Variants in SGF29 observed in about 807,000 individuals in gnomAD.
The protein encoded by SGF29 is SAGA-associated factor 29.
A neutral mutation model predicts 38.1 loss-of-function variants in SGF29; 15 were observed. The observed-to-expected ratio is 0.39, with a 90% CI of 0.26 to 0.61. The LOEUF (loss-of-function observed/expected upper bound fraction) is 0.61. Among genes scored for constraint, SGF29 ranks in the 20% least tolerant of loss-of-function variants. The pLI is 0.49. For missense variants in SGF29, 184 were observed against 394.6 expected (o/e 0.47, Z 4.52); for synonymous variants, 151 against 160.8 (o/e 0.94, Z 0.46).
chr16:28,585,507 A>T (rs957340884), intron 3 of SGF29, 141 bp from the exon 4 acceptor site: 22 of 739,748 alleles, frequency 3.0e-5, no homozygotes, highest in Non-Finnish European at 4.5e-5. Flanking sequence ...CCGCCTCAGG[A>T]GCACTCCTGA....
Position 28,589,134 on chromosome 16 carries a change from A to G in SGF29, c.259A>G (p.Ile87Val), listed in dbSNP as rs2046972220. Residue 87 changes from isoleucine (I) to valine (V), a missense_variant, in exon 5 of 10, where the codon ATC becomes GTC. Physicochemically the swap from Ile to Val is conservative, Grantham distance 29. Transcript: ENST00000317058. ...LRKALDKIAE[I>V]KSLLEERRIA... is the part of the protein sequence containing the mutation. Reference sequence around the variant, plus strand: ...GAAAGCTCTGGACAAGATCGCGGAAATCAAGTCTCTGTTGGAAGAGAGGCG... The same window carrying G: ...GAAAGCTCTGGACAAGATCGCGGAAGTCAAGTCTCTGTTGGAAGAGAGGCG... 2 of 1,614,080 alleles carry G rather than the reference A, an allele frequency of 1.2e-6. No individual in the cohort carries two copies. The highest frequency in any genetic ancestry group is 1.7e-6 in the Non-Finnish European group (2 of 1,180,016).
chr16:28,569,575 C>CT (rs2151645911), intron 1 of SGF29, among the ~76,000 whole-genome samples: 1 of 152,242 alleles, frequency 6.6e-6, no homozygotes, highest in Admixed American at 6.5e-5. Flanking sequence ...TCACTTGAAC[C>CT]TGGGAGATTG....
chr16:28,558,701 A>G (rs140874691), intron 1 of SGF29, among the ~76,000 whole-genome samples: 147 of 152,358 alleles, frequency 9.6e-4, no homozygotes, highest in African/African-American at 3.4e-3. Context: ...TATCCATAGA[A>G]TGGAATGTTA....
rs548323815 is a variant in SGF29, at chr16:28,582,233, G to C, written c.75+1089G>C. ...ATGCCAGTCTGAAAGGTTACGTGCTGTGTATTCCAACTGTAAACGAAAAGC... is the reference window on the plus strand; with the variant it reads ...ATGCCAGTCTGAAAGGTTACGTGCTCTGTATTCCAACTGTAAACGAAAAGC... On this transcript the variant is annotated intron_variant, in intron 2 of 9. Coordinates refer to ENST00000317058, the MANE Select transcript of SGF29 (RefSeq NM_138414.3). Among the ~76,000 whole-genome samples, 5 of 152,338 alleles carry C rather than the reference G, an allele frequency of 3.3e-5. No individual in the cohort carries two copies. The South Asian group carries it at 1.0e-3, about 32-fold the overall frequency.
At chr16:28,564,596 C>T (rs140001625) in intron 1 of SGF29, among the ~76,000 whole-genome samples, 27,221 of 107,518 alleles carry the variant, frequency 0.25, 4,167 homozygotes, top group Non-Finnish European at 0.31. Context: ...TATATACACA[C>T]ATATATGTGT....
chr16:28,575,657 C>G (rs976239082), intron 1 of SGF29, among the ~76,000 whole-genome samples: 1 of 152,210 alleles, frequency 6.6e-6, no homozygotes, highest in African/African-American at 2.4e-5. Flanking sequence ...TGCACTCCAG[C>G]TTGGGTGGCA....
intron 1 of SGF29, among the ~76,000 whole-genome samples, chr16:28,574,158 C>G (rs2046880686): frequency 6.6e-6 from 1 of 152,218 alleles, no homozygotes; most frequent in South Asian, 2.1e-4. Context: ...AGTGGAAGTT[C>G]ATTAAGAAGC....
Position 28,590,029 on chromosome 16 carries a change from G to A in SGF29, c.290-67G>A, listed in dbSNP as rs572239588. On this transcript the variant is annotated intron_variant, in intron 5 of 9. Transcript: ENST00000317058. The surrounding 1 kb of genome is among the most constrained non-coding windows in gnomAD (Gnocchi z 8.2). ...CCAGGTGCTCCTTCAACAGCTCAGT[G>A]CAGCATGCTCGGGGGTCAAGGCCGG... 4 of 1,550,208 alleles carry A rather than the reference G, an allele frequency of 2.6e-6. No individual in the cohort carries two copies. The South Asian group carries it at 5.1e-5, about 20-fold the overall frequency.
intron 2 of SGF29, among the ~76,000 whole-genome samples, chr16:28,584,571 C>T (rs1245761777): frequency 1.3e-5 from 2 of 152,098 alleles, no homozygotes; most frequent in African/African-American, 2.4e-5. Flanking sequence ...AGGCGGATCA[C>T]GAGGTCAGGA....
chr16:28,563,294 A>G (rs480400), intron 1 of SGF29, among the ~76,000 whole-genome samples: 76,973 of 151,984 alleles, frequency 0.51, 20,084 homozygotes, highest in Admixed American at 0.55. Context: ...GAGGCAAGGG[A>G]CATCAAGGCA....
intron 5 of SGF29, 52 bp downstream of exon 5, chr16:28,589,216 G>T: frequency 6.3e-7 from 1 of 1,595,844 alleles, no homozygotes. Flanking sequence ...AAGAGGAGAG[G>T]CCCTGCGGGC....
At chr16:28,570,394 A>G (rs778423122) in intron 1 of SGF29, among the ~76,000 whole-genome samples, 1 of 152,054 alleles carries the variant, frequency 6.6e-6, no homozygotes, top group African/African-American at 2.4e-5. Context: ...TCTCTTTTAG[A>G]ATGTCTGTCC....
intron 1 of SGF29, among the ~76,000 whole-genome samples, chr16:28,570,544 T>TTTTA (rs61126025): frequency 0.24 from 32,952 of 137,450 alleles, 4,506 homozygotes; most frequent in South Asian, 0.33. Context: ...TTTTTTTAAA[T>TTTTA]TTTATTTATT....
chr16:28,576,971 C>T (rs954833896), intron 1 of SGF29, among the ~76,000 whole-genome samples: 1 of 152,064 alleles, frequency 6.6e-6, no homozygotes, highest in African/African-American at 2.4e-5. Flanking sequence ...GTCAGACATT[C>T]GAGACCGGCC....
chr16:28,568,598 G>T (rs1052309373), intron 1 of SGF29, among the ~76,000 whole-genome samples: 5 of 151,286 alleles, frequency 3.3e-5, no homozygotes, highest in African/African-American at 4.9e-5. Flanking sequence ...GGGGTGGTTG[G>T]GGGGGGCTCA....
chr16:28,574,700 T>A (rs951373904), intron 1 of SGF29, among the ~76,000 whole-genome samples: 2 of 152,190 alleles, frequency 1.3e-5, no homozygotes, highest in African/African-American at 4.8e-5. Context: ...CCACTGAGCT[T>A]GCATCTTCTG....
Position 28,555,336 on chromosome 16 carries a change from C to T in SGF29, c.-16+1239C>T, listed in dbSNP as rs575934847. 2.4e-4 allele frequency among the ~76,000 whole-genome samples: 36 copies of T among 151,890 alleles called. No individual in the cohort carries two copies. In the South Asian group the frequency reaches 7.1e-3, roughly 30 times the overall value. ...AAAAAAAATTAAAAAATTAGCCGGG[C>T]GTGGTGGTGCACGCCTGTAATCCCA... On this transcript the variant is annotated intron_variant, in intron 1 of 9. Coordinates refer to ENST00000317058, the MANE Select transcript of SGF29 (RefSeq NM_138414.3).
At position 28,590,563 on chromosome 16, in the gene SGF29, C is replaced by G; in HGVS notation, c.567-68C>G. 1.2e-6 allele frequency: 2 copies of G among 1,612,074 alleles called. No individual in the cohort carries two copies. Among genetic ancestry groups the G allele is most frequent in the East Asian group, 2.2e-5 (1 of 44,880 alleles). On this transcript the variant is annotated intron_variant, in intron 7 of 9. Coordinates refer to ENST00000317058, the MANE Select transcript of SGF29 (RefSeq NM_138414.3). This position sits in a 1 kb window ranked among gnomAD's most constrained non-coding sequence, Gnocchi z 8.2. ...TGTGCAGGGAGCACCAGGTCCTCCCCCATCCTCACTCCCCAACAGGTACTG... is the reference window on the plus strand; with the variant it reads ...TGTGCAGGGAGCACCAGGTCCTCCCGCATCCTCACTCCCCAACAGGTACTG...
intron 1 of SGF29, among the ~76,000 whole-genome samples, chr16:28,560,606 G>T (rs1241412100): frequency 7.5e-6 from 1 of 133,706 alleles, no homozygotes; most frequent in Non-Finnish European, 1.6e-5. Flanking sequence ...AAAAAAAAAA[G>T]AACGAAAATT....
Sources: gnomAD v4.1 joint callset for allele counts (sites outside exome capture counted in the v4.1 genomes callset) on GRCh38, gnomAD v4.1.1 for gene constraint, Gnocchi (gnomAD v3.1) non-coding constraint, MANE v1.5 for transcripts, NCBI Gene and HGNC (gene_info 2026-07-23, HGNC 2026-07-21) for gene names.